The following P4HTM variants were observed in gnomAD, a reference collection of about 807,000 sequenced individuals.
P4HTM encodes transmembrane prolyl 4-hydroxylase.
A neutral mutation model predicts 55.3 loss-of-function variants in P4HTM; 33 were observed. The observed-to-expected ratio is 0.60, with a 90% CI of 0.45 to 0.80. The LOEUF is 0.80. P4HTM is among the 30% of genes least tolerant of loss of function. The probability of loss-of-function intolerance (pLI) is 0.00; values close to 1 mark genes in which losing one functional copy is unlikely to be tolerated. For synonymous variants in P4HTM, 272 were observed against 286.4 expected (o/e 0.95, Z 0.51); for missense variants, 542 against 696.5 (o/e 0.78, Z 2.50).
intron 2 of P4HTM, among the ~76,000 whole-genome samples, chr3:49,000,094 T>A (rs2092956929): frequency 6.6e-6 from 1 of 152,176 alleles, no homozygotes; most frequent in Admixed American, 6.5e-5. Context: ...GGCACTGATT[T>A]CTCTGTGCTT....
rs1490214371 is a variant in P4HTM, at chr3:48,990,878, T to C, written c.400T>C (p.Phe134Leu). ...KVQLVTDRDH[F>L]IRTLSLKPLL... ...CCAGCTGGTCACCGACAGGGATCAC[T>C]TCATCCGAACCCTCAGCCTCAAGCC... is the stretch of plus-strand genomic sequence containing the variant. Residue 134 changes from phenylalanine (F) to leucine (L), a missense_variant, in exon 2 of 9, where the codon TTC (phenylalanine) becomes CTC (leucine). Transcript: ENST00000383729. The surrounding 1 kb of genome is among the most constrained non-coding windows in gnomAD (Gnocchi z 7.2). 1 of 1,613,954 alleles carries C rather than the reference T, an allele frequency of 6.2e-7. No individual in the cohort carries two copies. The highest frequency in any genetic ancestry group is 1.7e-5 in the Admixed American group (1 of 60,026).
Position 49,006,729 on chromosome 3 carries a change from G to GCCTGGTCACCAGGCAGCCC in P4HTM, c.1340_1341insCAGGCAGCCCCCTGGTCAC (p.Gly449GlnfsTer17). On this transcript the variant is annotated frameshift_variant, in exon 9 of 9. Coordinates refer to ENST00000383729, the MANE Select transcript of P4HTM (RefSeq NM_177939.3). LOFTEE classifies it high-confidence loss of function. ...GACGACTACTCGCTGCACGGGGGCT[G>GCCTGGTCACCAGGCAGCCC]CCTGGTCACGCGCGGCACCAAGTGG... 6.2e-7 allele frequency: 1 copy of GCCTGGTCACCAGGCAGCCC among 1,613,750 alleles called. No homozygotes were observed. Among genetic ancestry groups the GCCTGGTCACCAGGCAGCCC allele is most frequent in the Non-Finnish European group, 8.5e-7 (1 of 1,180,038 alleles).
At chr3:49,006,226 G>A in intron 8 of P4HTM, 39 bp downstream of exon 8, 1 of 1,589,706 alleles carries the variant, frequency 6.3e-7, no homozygotes, top group Non-Finnish European at 8.6e-7. Flanking sequence ...GGTGCCCTGA[G>A]TACAGCTTCC....
In P4HTM at chr3:48,999,365, TG is replaced by T. The variant is rs948252532; in HGVS notation, c.437-2071del. 3 of 157,580 alleles carry T rather than the reference TG, an allele frequency of 1.9e-5. No individual in the cohort carries two copies. The highest frequency in any genetic ancestry group is 2.9e-5 in the Non-Finnish European group (2 of 68,128). The allele number at this position is 157,580 out of a possible 1,614,324, so 9.8% of individuals were successfully genotyped here. ...CTGGATGGCCTCAGCTGCTGTGATG[TG>T]GTCCAGCAAGTTGGGCAGACGCATC... On this transcript the variant is annotated intron_variant, in intron 2 of 8. Coordinates refer to ENST00000383729, the MANE Select transcript of P4HTM (RefSeq NM_177939.3). The surrounding 1 kb of genome is among the most constrained non-coding windows in gnomAD (Gnocchi z 4.8).
At position 49,006,903 on chromosome 3, in the gene P4HTM, T is replaced by G; in HGVS notation, c.1505T>G (p.Leu502Arg). ...DRAYRDARVEL is the reference protein window; with the variant it reads ...DRAYRDARVER ...GCCTACCGCGATGCGCGCGTGGAAC[T>G]CTGAGGGAAGAGTTAGCCCCGGTTC... is the stretch of plus-strand genomic sequence containing the variant. Residue 502 changes from leucine to arginine, a missense_variant, in exon 9 of 9, where the codon CTC (leucine) becomes CGC (arginine). Transcript: ENST00000383729. 2 of 1,611,136 alleles carry G rather than the reference T, an allele frequency of 1.2e-6. No homozygotes were observed. Among genetic ancestry groups the G allele is most frequent in the Non-Finnish European group, 1.7e-6 (2 of 1,178,938 alleles).
chr3:48,999,034 C>T lies in P4HTM; in HGVS notation c.437-2404C>T, dbSNP rs2092953970. On this transcript the variant is annotated intron_variant, in intron 2 of 8. Coordinates refer to ENST00000383729, the MANE Select transcript of P4HTM (RefSeq NM_177939.3). The surrounding 1 kb of genome is among the most constrained non-coding windows in gnomAD (Gnocchi z 4.8). Reference sequence around the variant, plus strand: ...CTGCCCTATCTTGACATTCAAGAGCCCTTGACCACCATTGATGGTCTCCTG... The same window carrying T: ...CTGCCCTATCTTGACATTCAAGAGCTCTTGACCACCATTGATGGTCTCCTG... Among the ~76,000 whole-genome samples, 1 of 152,142 alleles carries T rather than the reference C, an allele frequency of 6.6e-6. No individual in the cohort carries two copies. Among genetic ancestry groups the T allele is most frequent in the Admixed American group, 6.5e-5 (1 of 15,282 alleles).
rs201918214 is a variant in P4HTM at position 49,006,211 on chromosome 3, G to T, written c.1288+24G>T. Reference sequence around the variant, plus strand: ...AGGTGAGGGCCTATGGCCAGGCCTGGGGGGGGTGCCCTGAGTACAGCTTCC... The same window carrying T: ...AGGTGAGGGCCTATGGCCAGGCCTGTGGGGGGTGCCCTGAGTACAGCTTCC... On this transcript the variant is annotated intron_variant, in intron 8 of 8. Transcript: ENST00000383729. The T allele has an allele frequency of 3.7e-6, 6 of 1,601,156 alleles. No individual in the cohort carries two copies. In the Admixed American group the frequency reaches 8.4e-5, roughly 22 times the overall value.
In P4HTM at chr3:48,990,984, G is replaced by A; in HGVS notation, c.436+70G>A. On this transcript the variant is annotated intron_variant, in intron 2 of 8. Transcript: ENST00000383729. This position sits in a 1 kb window ranked among gnomAD's most constrained non-coding sequence, Gnocchi z 7.2. The stretch of plus-strand genomic sequence containing the variant: ...TGGTGGCCACCTTGAGGCTCGTTGT[G>A]ACCACGTGACCTCTATTTTGAAAAT... 1 of 1,127,932 alleles carries A rather than the reference G, an allele frequency of 8.9e-7. No individual in the cohort carries two copies. The highest frequency in any genetic ancestry group is 1.3e-5 in the South Asian group (1 of 78,124). The allele number at this position is 1,127,932 out of a possible 1,614,324, so 69.9% of individuals were successfully genotyped here.
intron 2 of P4HTM, among the ~76,000 whole-genome samples, chr3:48,993,931 A>G (rs2092938246): frequency 6.6e-6 from 1 of 152,100 alleles, no homozygotes; most frequent in East Asian, 1.9e-4. Context: ...AATTATGAAA[A>G]GCAGAAGAGA....
Position 49,005,768 on chromosome 3 carries a change from G to T in P4HTM, c.1074-9G>T. 6.3e-7 allele frequency: 1 copy of T among 1,597,008 alleles called. No individual in the cohort carries two copies. Among genetic ancestry groups the T allele is most frequent in the Non-Finnish European group, 8.5e-7 (1 of 1,172,156 alleles). On this transcript the variant is annotated splice_polypyrimidine_tract_variant and intron_variant, in intron 6 of 8. Coordinates refer to ENST00000383729, the MANE Select transcript of P4HTM (RefSeq NM_177939.3). Reference sequence around the variant, plus strand: ...TGGGGACCTGCTCAGTGCCCCCCCTGCCTTACAGCTACATGACAGTGCTGT... The same window carrying T: ...TGGGGACCTGCTCAGTGCCCCCCCTTCCTTACAGCTACATGACAGTGCTGT...
At chr3:48,991,105 G>T in intron 2 of P4HTM, 191 bp downstream of exon 2, 1 of 575,696 alleles carries the variant, frequency 1.7e-6, no homozygotes, top group Non-Finnish European at 3.1e-6. Flanking sequence ...CCAACTCCCT[G>T]CAGTCCATTC....
In P4HTM at chr3:49,005,029, C is replaced by G. The variant is rs2092972478; in HGVS notation, c.1056C>G (p.Pro352=). ...HTKLVANESV[P]FETSCRYMTV... is the part of the protein sequence containing the mutation. ...AGCTGGTAGCCAACGAGTCTGTACCCTTCGAGACCTCCTGCCGGCAAGTAT... is the reference window on the plus strand; with the variant it reads ...AGCTGGTAGCCAACGAGTCTGTACCGTTCGAGACCTCCTGCCGGCAAGTAT... The change falls in exon 6 of 9, where the codon CCC becomes CCG. Residue 352 remains proline (P), a synonymous_variant. Coordinates refer to ENST00000383729, the MANE Select transcript of P4HTM (RefSeq NM_177939.3). The G allele has an allele frequency of 1.9e-6, 3 of 1,613,978 alleles. No individual in the cohort carries two copies. The highest frequency in any genetic ancestry group is 2.5e-6 in the Non-Finnish European group (3 of 1,180,044).
At chr3:48,998,507 C>T (rs1048595673) in intron 2 of P4HTM, among the ~76,000 whole-genome samples, 2 of 152,204 alleles carry the variant, frequency 1.3e-5, no homozygotes, top group African/African-American at 4.8e-5. Context: ...CGTAGCCTGG[C>T]TTTCCCACTT....
In P4HTM at chr3:48,990,529, C is replaced by A. The variant is rs1256658339; in HGVS notation, c.273C>A (p.Ser91Arg). 8.1e-6 allele frequency: 13 copies of A among 1,610,640 alleles called. No individual in the cohort carries two copies. Among genetic ancestry groups the A allele is most frequent in the African/African-American group, 1.3e-5 (1 of 74,820 alleles). The change falls in exon 1 of 9, where the codon AGC becomes AGA. Residue 91 changes from serine (S) to arginine (R), a missense_variant. Ser to Arg is a moderately radical substitution (Grantham distance 110). Around this residue, in one of 2 missense-constraint regions of P4HTM, gnomAD observed 536 missense variants for 672.1 expected, o/e 0.80. Coordinates refer to ENST00000383729, the MANE Select transcript of P4HTM (RefSeq NM_177939.3). The surrounding 1 kb of genome is among the most constrained non-coding windows in gnomAD (Gnocchi z 7.2). Reference sequence around the variant, plus strand: ...ACTACAGCAACGGCGACGAAAGCAGCGATCCCGGGCCCCAACACCGTGCCC... The same window carrying A: ...ACTACAGCAACGGCGACGAAAGCAGAGATCCCGGGCCCCAACACCGTGCCC... The part of the protein sequence containing the change: ...FVHYSNGDES[S>R]DPGPQHRAQG...
intron 2 of P4HTM, 162 bp downstream of exon 2, chr3:48,991,076 G>A: frequency 1.6e-6 from 1 of 613,074 alleles, no homozygotes; most frequent in Non-Finnish European, 2.9e-6. Context: ...CTCGAAATAG[G>A]GTAACACTCC....
chr3:49,005,547 T>C, intron 6 of P4HTM: 1 of 1,358,452 alleles, frequency 7.4e-7, no homozygotes, highest in Non-Finnish European at 9.4e-7. Flanking sequence ...GGCATTTAAC[T>C]AAGTGCACCT....
intron 2 of P4HTM, among the ~76,000 whole-genome samples, chr3:49,000,074 C>T (rs984181831): frequency 6.6e-6 from 1 of 152,132 alleles, no homozygotes; most frequent in Non-Finnish European, 1.5e-5. Flanking sequence ...GGCTGGGTGG[C>T]CAGTGGCAAG....
chr3:48,995,861 C>T (rs2092944031), intron 2 of P4HTM, among the ~76,000 whole-genome samples: 1 of 152,220 alleles, frequency 6.6e-6, no homozygotes, highest in Non-Finnish European at 1.5e-5. Flanking sequence ...GCTGGGATTA[C>T]AGGCATAAGC....
At chr3:48,996,529 T>C (rs1257575366) in intron 2 of P4HTM, 1 of 152,202 alleles carries the variant, frequency 6.6e-6, no homozygotes, top group East Asian at 1.9e-4. Flanking sequence ...GCCCAGCTAA[T>C]TTTTGTATTT....
Sources: allele counts gnomAD v4.1 joint callset (sites outside exome capture counted in the v4.1 genomes callset), GRCh38; gene constraint gnomAD v4.1.1; regional missense constraint gnomAD v4.1.1; non-coding constraint Gnocchi (gnomAD v3.1); transcripts MANE v1.5; gene names NCBI Gene and HGNC (gene_info 2026-07-23, HGNC 2026-07-21).